Variants in C8orf34 observed in about 807,000 individuals in gnomAD.
C8orf34 encodes chromosome 8 open reading frame 34, also known as uncharacterized protein C8orf34.
In C8orf34, 65 loss-of-function variants were observed where a neutral mutation model predicts 68.3. The observed-to-expected ratio is 0.95, with a 90% CI of 0.78 to 1.17. The LOEUF is 1.17. Among genes scored for constraint, C8orf34 ranks in the 50% most tolerant of loss-of-function variants. The pLI, the probability that C8orf34 is intolerant of heterozygous loss-of-function variation, is 0.00. For synonymous variants in C8orf34, 244 were observed against 241.2 expected (o/e 1.01, Z -0.11); for missense variants, 664 against 655.4 (o/e 1.01, Z -0.14).
At chr8:68,662,842 T>G (rs921103717) in intron 8 of C8orf34, among the ~76,000 whole-genome samples, 7 of 152,136 alleles carry the variant, frequency 4.6e-5, no homozygotes, top group Non-Finnish European at 7.4e-5. Context: ...CATTTTTAGT[T>G]CAAAGCACTC....
intron 11 of C8orf34, among the ~76,000 whole-genome samples, chr8:68,779,799 TATTA>T (rs1397371208): frequency 2.0e-5 from 3 of 152,166 alleles, no homozygotes; most frequent in East Asian, 1.9e-4. Flanking sequence ...TTTAAATAAT[TATTA>T]ATTATCATAG....
At chr8:68,747,755 A>C (rs1279849054) in intron 10 of C8orf34, among the ~76,000 whole-genome samples, 11 of 151,916 alleles carry the variant, frequency 7.2e-5, no homozygotes, top group South Asian at 2.1e-4. Flanking sequence ...CAAATGGAAG[A>C]ACATTCCATG....
Position 68,446,128 on chromosome 8 carries a change from T to C in C8orf34, c.476-201T>C, listed in dbSNP as rs530878650. Among the ~76,000 whole-genome samples, 11 of 152,346 alleles carry C rather than the reference T, an allele frequency of 7.2e-5. No individual in the cohort carries two copies. The South Asian group carries it at 2.3e-3, about 32-fold the overall frequency. On this transcript the variant is annotated intron_variant, in intron 2 of 13. Coordinates refer to ENST00000518698, the MANE Select transcript of C8orf34 (RefSeq NM_052958.4). Reference sequence around the variant, plus strand: ...TATGATATAATCTTAATCATATGCATATATAAACTGATTCATATCAGATTT... The same window carrying C: ...TATGATATAATCTTAATCATATGCACATATAAACTGATTCATATCAGATTT...
intron 2 of C8orf34, among the ~76,000 whole-genome samples, chr8:68,441,189 C>T (rs1810895946): frequency 6.6e-6 from 1 of 152,114 alleles, no homozygotes; most frequent in African/African-American, 2.4e-5. Flanking sequence ...GTCTTCTGCC[C>T]AGTCTCACAA....
intron 8 of C8orf34, among the ~76,000 whole-genome samples, chr8:68,658,293 T>A (rs1353400986): frequency 2.0e-5 from 3 of 150,778 alleles, no homozygotes. Context: ...GTCTTGAAAT[T>A]TCCCTCCCCT....
rs1242987249 is a variant in C8orf34 at position 68,341,723 on chromosome 8, TC to T, written c.327+10387del. ...TGCTTTTGCCATGAAACATGCCTGCTCCCACGTCACCTTCTGTCATGAGTAA... is the reference window on the plus strand; with the variant it reads ...TGCTTTTGCCATGAAACATGCCTGCTCCACGTCACCTTCTGTCATGAGTAA... On this transcript the variant is annotated intron_variant, in intron 1 of 13. Coordinates refer to ENST00000518698, the MANE Select transcript of C8orf34 (RefSeq NM_052958.4). Among the ~76,000 whole-genome samples, 5 of 152,310 alleles carry T rather than the reference TC, an allele frequency of 3.3e-5. 1 individual carries two copies. The highest frequency in any genetic ancestry group is 2.0e-4 in the Admixed American group (3 of 15,298).
intron 8 of C8orf34, among the ~76,000 whole-genome samples, chr8:68,665,515 T>A (rs1819810016): frequency 6.6e-6 from 1 of 152,164 alleles, no homozygotes; most frequent in South Asian, 2.1e-4. Flanking sequence ...GAATCCTGCT[T>A]AACTGACTGT....
At chr8:68,775,661 T>A (rs1435618264) in intron 10 of C8orf34, among the ~76,000 whole-genome samples, 2 of 152,220 alleles carry the variant, frequency 1.3e-5, no homozygotes, top group Non-Finnish European at 1.5e-5. Context: ...ATGTTTTAGA[T>A]CGTCACACAA....
At chr8:68,686,138 A>C (rs1260553598) in intron 8 of C8orf34, among the ~76,000 whole-genome samples, 1 of 152,006 alleles carries the variant, frequency 6.6e-6, no homozygotes, top group Non-Finnish European at 1.5e-5. Context: ...TAATAAAAAA[A>C]GATTACCACC....
chr8:68,446,286 G>T (rs760891799), intron 2 of C8orf34, 43 bp from the exon 3 acceptor site: 2 of 1,523,482 alleles, frequency 1.3e-6, no homozygotes, highest in Admixed American at 4.4e-5. Context: ...GCTCAATCTT[G>T]AAATCACTTT....
chr8:68,680,415 A>C (rs545785959), intron 8 of C8orf34, among the ~76,000 whole-genome samples: 2 of 152,314 alleles, frequency 1.3e-5, no homozygotes, highest in South Asian at 4.1e-4. Context: ...AAAGAGAAAG[A>C]GTGCAAAGAG....
intron 8 of C8orf34, among the ~76,000 whole-genome samples, chr8:68,666,067 A>G (rs1329476217): frequency 3.3e-5 from 5 of 152,216 alleles, no homozygotes; most frequent in Non-Finnish European, 7.4e-5. Context: ...CATGGCCGGT[A>G]TTTTTGTAAA....
intron 3 of C8orf34, among the ~76,000 whole-genome samples, chr8:68,453,444 T>G (rs926102358): frequency 2.6e-5 from 4 of 152,038 alleles, no homozygotes; most frequent in African/African-American, 9.7e-5. Context: ...CCCTTTAATT[T>G]TGTTAAACAA....
chr8:68,632,719 C>G (rs1193492454), intron 7 of C8orf34, among the ~76,000 whole-genome samples: 1 of 152,134 alleles, frequency 6.6e-6, no homozygotes, highest in African/African-American at 2.4e-5. Context: ...CCCTGCATCC[C>G]AGCCACTCCA....
At position 68,777,425 on chromosome 8, in the gene C8orf34, C is replaced by T. The variant is rs182671967; in HGVS notation, c.1455+976C>T. 1.5e-4 allele frequency among the ~76,000 whole-genome samples: 23 copies of T among 152,322 alleles called. No homozygotes were observed. In the East Asian group the frequency reaches 3.9e-3, roughly 26 times the overall value. ...GGCTTGTTTTCTTCATAATTACTAACGTGCAATGTAAATGTACATGTTGTA... is the reference window on the plus strand; with the variant it reads ...GGCTTGTTTTCTTCATAATTACTAATGTGCAATGTAAATGTACATGTTGTA... On this transcript the variant is annotated intron_variant, in intron 11 of 13. Transcript: ENST00000518698.
chr8:68,370,425 T>C (rs1807508989), intron 1 of C8orf34, among the ~76,000 whole-genome samples: 1 of 152,174 alleles, frequency 6.6e-6, no homozygotes, highest in Non-Finnish European at 1.5e-5. Flanking sequence ...CCAATCCCAG[T>C]GGCAACATTT....
chr8:68,592,593 CTTCTTTT>C lies in C8orf34; in HGVS notation c.1106-47780_1106-47774del, dbSNP rs1358439939. Among the ~76,000 whole-genome samples, 9 of 116,798 alleles carry C rather than the reference CTTCTTTT, an allele frequency of 7.7e-5. 1 individual carries two copies. Among genetic ancestry groups the C allele is most frequent in the African/African-American group, 1.3e-4 (4 of 30,214 alleles). 76.6% of individuals were successfully genotyped at this position (116,798 alleles called of 152,430 possible). A position where few individuals can be genotyped will look rare whatever the true frequency, so the allele number is the denominator to read the frequency against. ...ATAACTGCAGTTTATCAATTTATCTCTTCTTTTTTTTTTTTTTTTTTTTTTTGAGATG... is the reference window on the plus strand; with the variant it reads ...ATAACTGCAGTTTATCAATTTATCTCTTTTTTTTTTTTTTTTTTTGAGATG... On this transcript the variant is annotated intron_variant, in intron 7 of 13. Coordinates refer to ENST00000518698, the MANE Select transcript of C8orf34 (RefSeq NM_052958.4).
intron 2 of C8orf34, among the ~76,000 whole-genome samples, chr8:68,445,800 T>C (rs1223184515): frequency 6.6e-6 from 1 of 151,568 alleles, no homozygotes; most frequent in Non-Finnish European, 1.5e-5. Flanking sequence ...ATTAATTTCC[T>C]GTTTTTTCTT....
intron 1 of C8orf34, among the ~76,000 whole-genome samples, chr8:68,415,197 G>A (rs1809613597): frequency 6.6e-6 from 1 of 152,014 alleles, no homozygotes; most frequent in African/African-American, 2.4e-5. Context: ...AGTGTATGGA[G>A]AGGCTGGGCA....
Sources: gnomAD v4.1 joint callset for allele counts (sites outside exome capture counted in the v4.1 genomes callset) on GRCh38, gnomAD v4.1.1 for gene constraint, MANE v1.5 for transcripts, NCBI Gene and HGNC (gene_info 2026-07-23, HGNC 2026-07-21) for gene names.